SLC2A11: variants seen among roughly 807,000 people sequenced by gnomAD.
The protein encoded by SLC2A11 is solute carrier family 2 member 11.
Under a neutral mutation model 52.1 loss-of-function variants are expected in SLC2A11, and 43 were observed. The ratio of observed to expected loss-of-function variants is 0.82; its 90% CI spans 0.65 to 1.06. SLC2A11 has a LOEUF of 1.06. Ranked by LOEUF, SLC2A11 falls within the 50% of genes least tolerant of loss-of-function variation. SLC2A11 has a pLI of 0.00. For synonymous variants in SLC2A11, 261 were observed against 277.6 expected (o/e 0.94, Z 0.59); for missense variants, 582 against 654.2 (o/e 0.89, Z 1.20).
chr22:23,857,155 G>C, upstream of SLC2A11: 2 of 1,035,168 alleles, frequency 1.9e-6, no homozygotes, highest in Non-Finnish European at 2.8e-6. Context: ...CAGGGGCAGT[G>C]GCCTCCGAGG....
At chr22:23,857,233 G>T (rs2031866177), upstream of SLC2A11, 1 of 725,362 alleles carries the variant, frequency 1.4e-6, no homozygotes, top group Non-Finnish European at 2.3e-6. Context: ...TCAGACCAGC[G>T]AGAGACAGAG....
In SLC2A11 at chr22:23,884,469, G is replaced by A. The variant is rs2032936136; in HGVS notation, c.1299+40G>A. On this transcript the variant is annotated intron_variant, in intron 11 of 11. Transcript: ENST00000316185. This position sits in a 1 kb window ranked among gnomAD's most constrained non-coding sequence, Gnocchi z 4.3. ...CCCGCTGGGGGCCCTGCCTTAGGCT[G>A]TGTCCCTGTCATCCTGAGAACCCCA... 2 of 1,595,800 alleles carry A rather than the reference G, an allele frequency of 1.3e-6. No homozygotes were observed. The highest frequency in any genetic ancestry group is 1.3e-5 in the African/African-American group (1 of 74,446).
chr22:23,873,237 G>C (rs1430282342), intron 3 of SLC2A11: 2 of 151,800 alleles, frequency 1.3e-5, no homozygotes, highest in Non-Finnish European at 2.9e-5. Flanking sequence ...GGTCAGGCTG[G>C]TCCCGAACCC....
At chr22:23,857,240 A>C, upstream of SLC2A11, 1 of 720,312 alleles carries the variant, frequency 1.4e-6, no homozygotes. Context: ...AGCGAGAGAC[A>C]GAGACCCGCA....
intron 6 of SLC2A11, among the ~76,000 whole-genome samples, chr22:23,878,163 C>T (rs2032686312): frequency 6.6e-6 from 1 of 152,232 alleles, no homozygotes; most frequent in Admixed American, 6.5e-5. Context: ...CAAGACCTCA[C>T]CTACCCAGTG....
At chr22:23,874,977 C>G (rs2032569185) in intron 3 of SLC2A11, 140 bp from the exon 4 acceptor site, 1 of 959,910 alleles carries the variant, frequency 1.0e-6, no homozygotes, top group Non-Finnish European at 1.4e-6. Context: ...TACCAGGACT[C>G]AAAGTAGTTA....
Position 23,883,818 on chromosome 22 carries a change from G to A in SLC2A11, c.1040G>A (p.Gly347Glu). The part of the protein sequence containing the change: ...RVGRRVLLIG[G>E]YSLMTCWGSI... ...GGTCGGCGCGTGCTGCTCATCGGTGGGTACAGCCTGATGACCTGCTGGGGG... is the reference window on the plus strand; with the variant it reads ...GGTCGGCGCGTGCTGCTCATCGGTGAGTACAGCCTGATGACCTGCTGGGGG... Residue 347 changes from glycine (G) to glutamate (E), a missense_variant, in exon 9 of 12, where the codon GGG becomes GAG. Transcript: ENST00000316185. 6.3e-7 allele frequency: 1 copy of A among 1,576,736 alleles called. No homozygotes were observed. Among genetic ancestry groups the A allele is most frequent in the Admixed American group, 2.0e-5 (1 of 49,418 alleles).
chr22:23,877,032 A>G lies in SLC2A11; in HGVS notation c.416-10A>G. 1.2e-6 allele frequency: 2 copies of G among 1,613,798 alleles called. No homozygotes were observed. Among genetic ancestry groups the G allele is most frequent in the East Asian group, 4.5e-5 (2 of 44,856 alleles). ...GGTGGCTGACGTGCCTCTGCTGTGC[A>G]CACGTCCAGGTGTGAGCATGAACAT... On this transcript the variant is annotated splice_polypyrimidine_tract_variant and intron_variant, in intron 4 of 11. Coordinates refer to ENST00000316185, the MANE Select transcript of SLC2A11 (RefSeq NM_001024939.4).
At chr22:23,876,026 G>A (rs886705562) in intron 4 of SLC2A11, among the ~76,000 whole-genome samples, 1 of 152,060 alleles carries the variant, frequency 6.6e-6, no homozygotes, top group African/African-American at 2.4e-5. Context: ...CCACTTTGGG[G>A]GGCTCTCCAC....
chr22:23,878,885 T>A (rs1045904564), intron 6 of SLC2A11, among the ~76,000 whole-genome samples: 1 of 152,180 alleles, frequency 6.6e-6, no homozygotes, highest in Non-Finnish European at 1.5e-5. Context: ...TCTAGAAAGA[T>A]GAGTCTTCTT....
intron 1 of SLC2A11, among the ~76,000 whole-genome samples, chr22:23,859,784 C>T (rs919916862): frequency 3.9e-5 from 6 of 152,222 alleles, no homozygotes; most frequent in East Asian, 1.9e-4. Flanking sequence ...CCACGACATC[C>T]GGCCAACACT....
chr22:23,871,856 A>C (rs2032467242), intron 3 of SLC2A11: 1 of 152,276 alleles, frequency 6.6e-6, no homozygotes, highest in Admixed American at 6.5e-5. Flanking sequence ...TTTGGGGTCC[A>C]CATTGGGCAA....
At chr22:23,862,330 T>TTGGC in intron 2 of SLC2A11, 128 bp downstream of exon 2, 1 of 817,896 alleles carries the variant, frequency 1.2e-6, no homozygotes, top group Non-Finnish European at 2.0e-6. Context: ...CTCCATTGGG[T>TTGGC]TGGCCCACAG....
At chr22:23,857,011 T>C, upstream of SLC2A11, 1 of 1,562,652 alleles carries the variant, frequency 6.4e-7, no homozygotes, top group Non-Finnish European at 8.7e-7. Context: ...TCTTTCGGTC[T>C]TTCCTAATTT....
In SLC2A11 at chr22:23,868,506, C is replaced by G; in HGVS notation, c.155C>G (p.Thr52Arg). ...TLHIQEFTNE[T>R]WQARTGEPLP... ...CACATTCAGGAATTCACCAATGAGA[C>G]ATGGCAGGCGCGTACTGGAGAGCCA... The change falls in exon 3 of 12, where the codon ACA becomes AGA. Residue 52 changes from threonine to arginine, a missense_variant. Coordinates refer to ENST00000316185, the MANE Select transcript of SLC2A11 (RefSeq NM_001024939.4). 1 of 1,614,202 alleles carries G rather than the reference C, an allele frequency of 6.2e-7. No homozygotes were observed. Among genetic ancestry groups the G allele is most frequent in the Non-Finnish European group, 8.5e-7 (1 of 1,180,042 alleles).
intron 5 of SLC2A11, 92 bp from the exon 6 acceptor site, chr22:23,877,629 C>A: frequency 6.9e-7 from 1 of 1,452,686 alleles, no homozygotes; most frequent in African/African-American, 1.4e-5. Flanking sequence ...ATTGCAGACT[C>A]CCTGCAGGGA....
At chr22:23,869,926 C>T in intron 3 of SLC2A11, 1 of 708,100 alleles carries the variant, frequency 1.4e-6, no homozygotes, top group Non-Finnish European at 2.6e-6. Context: ...AAAGAGCCTG[C>T]CTAGTTCCCT....
intron 6 of SLC2A11, among the ~76,000 whole-genome samples, chr22:23,878,362 G>T (rs534049462): frequency 1.3e-5 from 2 of 152,080 alleles, no homozygotes; most frequent in East Asian, 3.9e-4. Context: ...GCGGGGGAGG[G>T]GGGCAGTGGT....
chr22:23,863,257 C>G (rs563870584), intron 2 of SLC2A11, among the ~76,000 whole-genome samples: 3 of 152,290 alleles, frequency 2.0e-5, no homozygotes, highest in African/African-American at 7.2e-5. Flanking sequence ...TTTTGCCTCT[C>G]CAGCCCTTGG....
Sources: gnomAD v4.1 joint callset for allele counts (sites outside exome capture counted in the v4.1 genomes callset) on GRCh38, gnomAD v4.1.1 for gene constraint, Gnocchi (gnomAD v3.1) non-coding constraint, MANE v1.5 for transcripts, NCBI Gene and HGNC (gene_info 2026-07-23, HGNC 2026-07-21) for gene names.